The following ERAP2 variants were observed in gnomAD, a reference collection of about 807,000 sequenced individuals.
ERAP2 encodes endoplasmic reticulum aminopeptidase 2.
ERAP2 carries 118 observed loss-of-function variants against 111.1 expected under a neutral mutation model. That is an observed-to-expected ratio of 1.06 (90% CI 0.92 to 1.24). The LOEUF is 1.24. ERAP2 is among the 50% of genes most tolerant of loss of function. The pLI, the probability that ERAP2 is intolerant of heterozygous loss-of-function variation, is 0.00. For missense variants in ERAP2, 1,131 were observed against 1,125.8 expected (o/e 1.00, Z -0.07); for synonymous variants, 410 against 401.2 (o/e 1.02, Z -0.26).
At chr5:96,897,539 C>CT (rs1223876476) in intron 9 of ERAP2, among the ~76,000 whole-genome samples, 2 of 106,926 alleles carry the variant, frequency 1.9e-5, no homozygotes, top group Non-Finnish European at 3.9e-5. Context: ...AAAATTGTGT[C>CT]TATTCTTTTT....
chr5:96,880,007 A>C lies in ERAP2; in HGVS notation c.322A>C (p.Ile108Leu). 1.2e-6 allele frequency: 2 copies of C among 1,614,158 alleles called. No individual in the cohort carries two copies. Among genetic ancestry groups the C allele is most frequent in the Non-Finnish European group, 1.7e-6 (2 of 1,180,034 alleles). Reference sequence around the variant, plus strand: ...CTTGGTCAGCAATGCTACCCAGTTTATCATCTTGCACAGCAAAGATCTTGA... The same window carrying C: ...CTTGGTCAGCAATGCTACCCAGTTTCTCATCTTGCACAGCAAAGATCTTGA... ...EVLVSNATQF[I>L]ILHSKDLEIT... is the part of the protein sequence containing the mutation. Residue 108 changes from isoleucine to leucine, a missense_variant, in exon 2 of 19, where the codon ATC becomes CTC. By Grantham distance (5) the Ile-to-Leu change is conservative. Around this residue, in one of 3 missense-constraint regions of ERAP2, gnomAD observed 847 missense variants for 856.5 expected, o/e 0.99. Coordinates refer to ENST00000437043, the MANE Select transcript of ERAP2 (RefSeq NM_022350.5).
intron 4 of ERAP2, among the ~76,000 whole-genome samples, chr5:96,887,215 A>C (rs748304546): frequency 4.0e-5 from 6 of 151,660 alleles, no homozygotes; most frequent in Non-Finnish European, 7.4e-5. Flanking sequence ...TGTCATTTAA[A>C]ATTTTAAATA....
intron 5 of ERAP2, among the ~76,000 whole-genome samples, chr5:96,891,528 GTA>G (rs201109800): frequency 3.8e-4 from 14 of 37,198 alleles, no homozygotes; most frequent in South Asian, 2.3e-3. Flanking sequence ...CCCATATACG[GTA>G]TATATACACA....
At chr5:96,886,446 G>A (rs1474943176) in intron 3 of ERAP2, among the ~76,000 whole-genome samples, 2 of 152,156 alleles carry the variant, frequency 1.3e-5, no homozygotes, top group African/African-American at 2.4e-5. Flanking sequence ...TCAAAAGCAG[G>A]GCTTTTTGTT....
intron 2 of ERAP2, chr5:96,881,524 G>T (rs945078784): frequency 2.2e-6 from 1 of 454,012 alleles, no homozygotes; most frequent in Non-Finnish European, 4.4e-6. Flanking sequence ...TATGTGAATT[G>T]TGTTCAATTG....
At chr5:96,896,076 C>G (rs1784832784) in intron 7 of ERAP2, among the ~76,000 whole-genome samples, 1 of 152,150 alleles carries the variant, frequency 6.6e-6, no homozygotes, top group South Asian at 2.1e-4. Flanking sequence ...AGGCACGTAA[C>G]AAGTATTCAC....
intron 9 of ERAP2, 21 bp downstream of exon 9, chr5:96,896,884 C>A: frequency 6.5e-7 from 1 of 1,548,768 alleles, no homozygotes; most frequent in Admixed American, 2.3e-5. Flanking sequence ...TGTTGGGTAA[C>A]GATAGACTGT....
At chr5:96,880,600 C>G (rs1256559049) in intron 2 of ERAP2, among the ~76,000 whole-genome samples, 1 of 152,056 alleles carries the variant, frequency 6.6e-6, no homozygotes, top group South Asian at 2.1e-4. Flanking sequence ...TCATCTGGGA[C>G]CAGAAGGAAA....
rs1785552801 is a variant in ERAP2, at chr5:96,902,263, C to G, written c.1749-11C>G. 6.4e-7 allele frequency: 1 copy of G among 1,572,612 alleles called. No individual in the cohort carries two copies. Among genetic ancestry groups the G allele is most frequent in the South Asian group, 1.1e-5 (1 of 90,186 alleles). ...CTTTTGGTCTGTAACTATCTTTACT[C>G]TCTGTCATAGGTACCTGTGGCATAT... On this transcript the variant is annotated splice_polypyrimidine_tract_variant and intron_variant, in intron 11 of 18. Coordinates refer to ENST00000437043, the MANE Select transcript of ERAP2 (RefSeq NM_022350.5).
intron 18 of ERAP2, among the ~76,000 whole-genome samples, chr5:96,917,099 G>A (rs1363907): frequency 0.38 from 57,143 of 151,992 alleles, 10,902 homozygotes; most frequent in Non-Finnish European, 0.42. Flanking sequence ...TTTGGAAGAC[G>A]AAGTGGTTTT....
intron 1 of ERAP2, among the ~76,000 whole-genome samples, chr5:96,878,477 A>G (rs911964700): frequency 6.6e-6 from 1 of 152,146 alleles, no homozygotes; most frequent in Non-Finnish European, 1.5e-5. Context: ...ATGAAGACAA[A>G]ATAGAGACAT....
rs972590682 is a variant in ERAP2, at chr5:96,903,407, G to A, written c.1859G>A (p.Trp620Ter). 3.1e-6 allele frequency: 5 copies of A among 1,613,246 alleles called. No homozygotes were observed. The highest frequency in any genetic ancestry group is 1.7e-5 in the Admixed American group (1 of 59,842). ...CTGGATCTACCTGAAAAGACCAGTT[G>A]GGTGAAATTTAATGTGGACTCAAAT... ...DTLDLPEKTS[W>*]VKFNVDSNGY... Residue 620 changes from tryptophan to a stop codon, truncating the protein, a stop_gained, in exon 13 of 19, where the codon TGG (tryptophan) becomes TAG (stop). Transcript: ENST00000437043. LOFTEE classifies it high-confidence loss of function.
At chr5:96,915,644 T>C (rs1787298566) in intron 17 of ERAP2, 44 bp from the exon 18 acceptor site, 1 of 1,169,128 alleles carries the variant, frequency 8.6e-7, no homozygotes, top group African/African-American at 1.6e-5. Flanking sequence ...AAACATAAGG[T>C]CAGTATTTCT....
chr5:96,893,529 G>A (rs1012381830), intron 6 of ERAP2, among the ~76,000 whole-genome samples: 1 of 152,176 alleles, frequency 6.6e-6, no homozygotes, highest in African/African-American at 2.4e-5. Context: ...GAGCTCTAAA[G>A]CACTTAACTG....
intron 3 of ERAP2, among the ~76,000 whole-genome samples, chr5:96,884,316 T>A (rs1322731272): frequency 6.6e-6 from 1 of 152,172 alleles, no homozygotes; most frequent in Non-Finnish European, 1.5e-5. Context: ...CAGATTCTGA[T>A]TCAAGAAGAG....
At chr5:96,912,083 G>A (rs1039531747) in intron 15 of ERAP2, among the ~76,000 whole-genome samples, 1 of 149,994 alleles carries the variant, frequency 6.7e-6, no homozygotes, top group African/African-American at 2.4e-5. Context: ...CCAGCTACTC[G>A]GGAGGCTGAG....
rs373773533 is a variant in ERAP2 at position 96,883,856 on chromosome 5, C to T, written c.640C>T (p.Pro214Ser). 5 of 1,613,916 alleles carry T rather than the reference C, an allele frequency of 3.1e-6. No individual in the cohort carries two copies. Among genetic ancestry groups the T allele is most frequent in the Non-Finnish European group, 4.2e-6 (5 of 1,179,902 alleles). The change falls in exon 3 of 19, where the codon CCG becomes TCG. Residue 214 changes from proline (P) to serine (S), a missense_variant. Pro to Ser is a moderately conservative substitution (Grantham distance 74). Coordinates refer to ENST00000437043, the MANE Select transcript of ERAP2 (RefSeq NM_022350.5). ...CATGGCTTTCCCTTGCTTTGATGAA[C>T]CGTTGTTCAAAGCCAACTTTTCAAT... Reference protein sequence around the residue: ...ARMAFPCFDEPLFKANFSIKI... With the variant: ...ARMAFPCFDESLFKANFSIKI...
At chr5:96,916,771 T>G (rs1020361288) in intron 18 of ERAP2, among the ~76,000 whole-genome samples, 4 of 151,364 alleles carry the variant, frequency 2.6e-5, no homozygotes, top group African/African-American at 9.7e-5. Context: ...CTATCTTTTT[T>G]TTTTTTTTAA....
chr5:96,901,218 G>T (rs1785427827), intron 10 of ERAP2, among the ~76,000 whole-genome samples: 2 of 152,052 alleles, frequency 1.3e-5, no homozygotes, highest in South Asian at 4.2e-4. Flanking sequence ...TTTTGAAAGG[G>T]GTCAGGAAAG....
Sources: allele counts gnomAD v4.1 joint callset (sites outside exome capture counted in the v4.1 genomes callset), GRCh38; gene constraint gnomAD v4.1.1; regional missense constraint gnomAD v4.1.1; transcripts MANE v1.5; gene names NCBI Gene and HGNC (gene_info 2026-07-23, HGNC 2026-07-21).